USP39: variants seen among roughly 807,000 people sequenced by gnomAD.
USP39 encodes ubiquitin specific peptidase 39, also known as ubiquitin carboxyl-terminal hydrolase 39.
Under a neutral mutation model 66.4 loss-of-function variants are expected in USP39, and 38 were observed. The ratio of observed to expected loss-of-function variants is 0.57; its 90% CI spans 0.44 to 0.75. The LOEUF is 0.75. USP39 is among the 30% of genes least tolerant of loss of function. The pLI is 0.00. For synonymous variants in USP39, 303 were observed against 274.6 expected, an observed-to-expected ratio of 1.10 and a Z score of -1.02; for missense variants, 608 against 714.4, an observed-to-expected ratio of 0.85 and a Z score of 1.70.
intron 5 of USP39, among the ~76,000 whole-genome samples, chr2:85,628,843 TC>T (rs1190276759): frequency 6.6e-6 from 1 of 152,078 alleles, no homozygotes. Context: ...GCTTTCCTAA[TC>T]CCCTCTGTGG....
chr2:85,632,153 C>T lies in USP39; in HGVS notation c.949+1207C>T, dbSNP rs1048104588. ...CTGAATCTCATATGGTATCCTCTAG[C>T]ATCTGTATTAGTTTATTCAGCATTC... On this transcript the variant is annotated intron_variant, in intron 6 of 12. Transcript: ENST00000323701. Among the ~76,000 whole-genome samples, 7 of 152,248 alleles carry T rather than the reference C, an allele frequency of 4.6e-5. No individual in the cohort carries two copies. The South Asian group carries it at 1.0e-3, about 23-fold the overall frequency.
rs570198952 is a variant in USP39, at chr2:85,631,217, G to T, written c.949+271G>T. On this transcript the variant is annotated intron_variant, in intron 6 of 12. Transcript: ENST00000323701. ...TTTAGCAGAGATGGGGTTTCACTATGTTGGCCAGGCTGATCTCGAACTCCT... is the reference window on the plus strand; with the variant it reads ...TTTAGCAGAGATGGGGTTTCACTATTTTGGCCAGGCTGATCTCGAACTCCT... Among the ~76,000 whole-genome samples, 4 of 151,442 alleles carry T rather than the reference G, an allele frequency of 2.6e-5. No individual in the cohort carries two copies. In the Middle Eastern group the frequency reaches 0.01, roughly 394 times the overall value.
intron 4 of USP39, among the ~76,000 whole-genome samples, chr2:85,624,497 A>G (rs1444057631): frequency 2.6e-5 from 4 of 152,174 alleles, no homozygotes; most frequent in South Asian, 2.1e-4. Context: ...AGGCGTTACC[A>G]TCATGCCCAG....
chr2:85,630,672 A>T, intron 5 of USP39, 49 bp from the exon 6 acceptor site: 2 of 1,560,608 alleles, frequency 1.3e-6, no homozygotes, highest in East Asian at 4.5e-5. Flanking sequence ...GCTTGGCTCA[A>T]GGGGTCCTAC....
intron 3 of USP39, among the ~76,000 whole-genome samples, chr2:85,621,842 T>A (rs1184477220): frequency 2.0e-5 from 3 of 146,638 alleles, no homozygotes; most frequent in Non-Finnish European, 4.5e-5. Context: ...TGTATTTTTT[T>A]AATTTTTACT....
At position 85,645,049 on chromosome 2, in the gene USP39, C is replaced by A; in HGVS notation, c.1529C>A (p.Ser510Tyr). 6.2e-7 allele frequency: 1 copy of A among 1,614,162 alleles called. No individual in the cohort carries two copies. Among genetic ancestry groups the A allele is most frequent in the Non-Finnish European group, 8.5e-7 (1 of 1,180,022 alleles). ...AACATCGTGCATGACGGCAAGCCCT[C>A]CGAGGGCTCCTACCGGATCCACGTG... ...IANIVHDGKPSEGSYRIHVLH... is the reference protein window; with the variant it reads ...IANIVHDGKPYEGSYRIHVLH... Residue 510 changes from serine (S) to tyrosine (Y), a missense_variant, in exon 11 of 13, where the codon TCC (serine) becomes TAC (tyrosine). By Grantham distance (144) the Ser-to-Tyr change is moderately radical (BLOSUM62 -2). Transcript: ENST00000323701.
At chr2:85,612,807 C>T (rs1024644384), upstream of USP39, among the ~76,000 whole-genome samples, 1 of 151,938 alleles carries the variant, frequency 6.6e-6, no homozygotes, top group East Asian at 1.9e-4. Context: ...ACTACATGCG[C>T]GTGCCACCAC....
intron 5 of USP39, among the ~76,000 whole-genome samples, chr2:85,629,247 G>T (rs1675121884): frequency 6.6e-6 from 1 of 151,726 alleles, no homozygotes; most frequent in Non-Finnish European, 1.5e-5. Context: ...ATTTTTAGTA[G>T]AGACGGTTTC....
In USP39 at chr2:85,639,381, T is replaced by C. The variant is rs1296732427; in HGVS notation, c.1274T>C (p.Ile425Thr). Residue 425 changes from isoleucine to threonine, a missense_variant, in exon 9 of 13, where the codon ATC (isoleucine) becomes ACC (threonine). By Grantham distance (89) the Ile-to-Thr change is moderately conservative. Transcript: ENST00000323701. ...LFNILAKFNG[I>T]TEKEYKTYKE... ...AACATCCTGGCTAAGTTCAATGGCA[T>C]CACTGAGAAGGTAGCCCATTAACAC... 1.9e-6 allele frequency: 3 copies of C among 1,613,420 alleles called. No homozygotes were observed. The East Asian group carries it at 6.7e-5, about 36-fold the overall frequency.
intron 6 of USP39, among the ~76,000 whole-genome samples, chr2:85,632,673 C>T (rs1675448731): frequency 6.6e-6 from 1 of 152,064 alleles, no homozygotes; most frequent in Non-Finnish European, 1.5e-5. Context: ...AGGTCTCGAG[C>T]TCCTGACCTT....
intron 1 of USP39, among the ~76,000 whole-genome samples, chr2:85,618,773 T>C (rs1257530652): frequency 6.6e-6 from 1 of 152,046 alleles, no homozygotes; most frequent in Non-Finnish European, 1.5e-5. Flanking sequence ...GCTTTTTTCT[T>C]TTCTTTTTTT....
upstream of USP39, chr2:85,612,281 T>G: frequency 6.5e-7 from 1 of 1,529,432 alleles, no homozygotes; most frequent in African/African-American, 1.4e-5. Context: ...TTACAGCTGA[T>G]ACCAGAACCT....
chr2:85,611,746 TCTC>T (rs1178481671), upstream of USP39: 6 of 1,611,316 alleles, frequency 3.7e-6, no homozygotes, highest in Non-Finnish European at 5.1e-6. Flanking sequence ...CTCCTCACCT[TCTC>T]CTTGGCCGCC....
intron 5 of USP39, among the ~76,000 whole-genome samples, chr2:85,628,180 C>T (rs1381199260): frequency 2.0e-5 from 3 of 152,186 alleles, no homozygotes; most frequent in Admixed American, 1.3e-4. Flanking sequence ...GAGTCTCGCT[C>T]TGTCACCCAG....
chr2:85,647,385 A>C (rs897747539), intron 11 of USP39, among the ~76,000 whole-genome samples: 1 of 152,114 alleles, frequency 6.6e-6, no homozygotes, highest in Non-Finnish European at 1.5e-5. Context: ...ATTGTACTTC[A>C]AGGGGCCAGG....
At chr2:85,624,855 T>C (rs1036957438) in intron 4 of USP39, among the ~76,000 whole-genome samples, 8 of 151,544 alleles carry the variant, frequency 5.3e-5, no homozygotes, top group Admixed American at 3.3e-4. Context: ...CCCAGCTACT[T>C]GGGAGGCTGA....
chr2:85,608,126 A>C (rs549576879), upstream of USP39: 11 of 152,314 alleles, frequency 7.2e-5, no homozygotes, highest in Non-Finnish European at 1.3e-4. Context: ...GCTAGGAATC[A>C]AGTTGAAAGT....
At chr2:85,637,276 G>GA in intron 7 of USP39, 93 bp from the exon 8 acceptor site, 2 of 1,379,142 alleles carry the variant, frequency 1.5e-6, no homozygotes, top group Non-Finnish European at 2.1e-6. Flanking sequence ...GCTGGAAGAT[G>GA]CTGGTTTATT....
chr2:85,640,914 G>A (rs1050554737), intron 9 of USP39, 62 bp from the exon 10 acceptor site: 80 of 1,471,862 alleles, frequency 5.4e-5, no homozygotes, highest in Non-Finnish European at 7.2e-5. Context: ...AAAAACTCAT[G>A]CCCCTGCTCT....
Sources: gnomAD v4.1 joint callset for allele counts (sites outside exome capture counted in the v4.1 genomes callset) on GRCh38, gnomAD v4.1.1 for gene constraint, MANE v1.5 for transcripts, NCBI Gene and HGNC (gene_info 2026-07-23, HGNC 2026-07-21) for gene names.